PPM1E: variants seen among roughly 807,000 people sequenced by gnomAD.
PPM1E encodes the protein protein phosphatase, Mg2+/Mn2+ dependent 1E.
In PPM1E, 20 loss-of-function variants were observed where a neutral mutation model predicts 65.9. The observed-to-expected ratio is 0.30, with a 90% CI of 0.21 to 0.44. PPM1E has a LOEUF of 0.44. Ranked by LOEUF, PPM1E falls within the 20% of genes least tolerant of loss-of-function variation. The pLI is 1.00. For synonymous variants in PPM1E, 352 were observed against 374.9 expected (o/e 0.94, Z 0.70); for missense variants, 713 against 953.1 (o/e 0.75, Z 3.32).
At chr17:58,851,967 G>A (rs1485820679) in intron 1 of PPM1E, among the ~76,000 whole-genome samples, 2 of 152,166 alleles carry the variant, frequency 1.3e-5, no homozygotes, top group Non-Finnish European at 2.9e-5. Flanking sequence ...ACCTACTCAA[G>A]CCTCAGCAAT....
chr17:58,966,240 T>C (rs1178363517), intron 3 of PPM1E: 1 of 372,814 alleles, frequency 2.7e-6, no homozygotes, highest in Non-Finnish European at 5.1e-6. Flanking sequence ...TTAGGCTGGG[T>C]GTGGTAGCTC....
intron 1 of PPM1E, among the ~76,000 whole-genome samples, chr17:58,805,118 G>GT (rs879504422): frequency 1.3e-4 from 20 of 151,518 alleles, no homozygotes; most frequent in Admixed American, 3.9e-4. Flanking sequence ...TTTTTATATA[G>GT]TTTTTTTTAT....
intron 1 of PPM1E, among the ~76,000 whole-genome samples, chr17:58,873,777 T>C (rs1332540777): frequency 6.7e-6 from 1 of 150,216 alleles, no homozygotes; most frequent in African/African-American, 2.4e-5. Flanking sequence ...TTTTTTTTTT[T>C]TGTAGAGATG....
intron 1 of PPM1E, among the ~76,000 whole-genome samples, chr17:58,834,620 G>C (rs928590533): frequency 3.9e-5 from 6 of 152,170 alleles, no homozygotes; most frequent in African/African-American, 1.4e-4. Flanking sequence ...CAGGAGACCA[G>C]TTGTCCCATC....
At chr17:58,894,351 T>C (rs1372381687) in intron 1 of PPM1E, among the ~76,000 whole-genome samples, 2 of 152,166 alleles carry the variant, frequency 1.3e-5, no homozygotes, top group Non-Finnish European at 2.9e-5. Flanking sequence ...AAATTAGTGA[T>C]TATTACCATT....
chr17:58,862,954 TAAAAGCTAA>T, intron 1 of PPM1E, among the ~76,000 whole-genome samples: 1 of 152,228 alleles, frequency 6.6e-6, no homozygotes, highest in East Asian at 1.9e-4. Flanking sequence ...AATGCTTTCT[TAAAAGCTAA>T]AAAGGGGTTG....
intron 1 of PPM1E, among the ~76,000 whole-genome samples, chr17:58,853,257 A>G (rs1008214320): frequency 6.6e-6 from 1 of 152,138 alleles, no homozygotes; most frequent in Non-Finnish European, 1.5e-5. Flanking sequence ...TATTTAGGTC[A>G]TGGAGCCATT....
In PPM1E at chr17:58,972,118, TA is replaced by T; in HGVS notation, c.973-11del. 6.2e-7 allele frequency: 1 copy of T among 1,605,976 alleles called. No individual in the cohort carries two copies. The highest frequency in any genetic ancestry group is 8.5e-7 in the Non-Finnish European group (1 of 1,175,008). ...TCTTTTCACTGAGTCTAGTTTTATTTAAACTGTTTTCAGAGCTTAAGATGTG... is the reference window on the plus strand; with the variant it reads ...TCTTTTCACTGAGTCTAGTTTTATTTAACTGTTTTCAGAGCTTAAGATGTG... On this transcript the variant is annotated splice_polypyrimidine_tract_variant and intron_variant, in intron 4 of 6. Transcript: ENST00000308249.
chr17:58,919,942 C>T (rs2051731741), intron 1 of PPM1E, among the ~76,000 whole-genome samples: 5 of 152,040 alleles, frequency 3.3e-5, no homozygotes, highest in Admixed American at 3.3e-4. Flanking sequence ...ACTATGGGGT[C>T]AGGGGAGGGC....
At chr17:58,859,261 T>A (rs916702998) in intron 1 of PPM1E, among the ~76,000 whole-genome samples, 1 of 152,318 alleles carries the variant, frequency 6.6e-6, no homozygotes, top group East Asian at 1.9e-4. Context: ...TTCTCTCTGG[T>A]GCCACAAGAC....
chr17:58,934,017 A>G (rs2051941261), intron 1 of PPM1E, among the ~76,000 whole-genome samples: 1 of 150,498 alleles, frequency 6.6e-6, no homozygotes, highest in South Asian at 2.1e-4. Flanking sequence ...ATCAAGTGCA[A>G]CCAGAGGTTG....
At chr17:58,833,315 G>T (rs2050622977) in intron 1 of PPM1E, among the ~76,000 whole-genome samples, 1 of 149,122 alleles carries the variant, frequency 6.7e-6, no homozygotes, top group South Asian at 2.2e-4. Flanking sequence ...CTTTGAGACT[G>T]TTATGTAAGT....
At chr17:58,955,897 G>A in intron 2 of PPM1E, 130 bp downstream of exon 2, 3 of 1,102,744 alleles carry the variant, frequency 2.7e-6, no homozygotes, top group Non-Finnish European at 3.6e-6. Context: ...GTGGTAGCAG[G>A]GGAGAAAAAA....
chr17:58,806,698 CTTTTTT>C (rs57960498), intron 1 of PPM1E, among the ~76,000 whole-genome samples: 33 of 135,050 alleles, frequency 2.4e-4, no homozygotes, highest in South Asian at 7.0e-4. Flanking sequence ...GTTTTGTTTT[CTTTTTT>C]TTTTTTTTTT....
chr17:58,934,066 C>A (rs938996122), intron 1 of PPM1E, among the ~76,000 whole-genome samples: 1 of 119,146 alleles, frequency 8.4e-6, no homozygotes. Flanking sequence ...CCAGCCTGGG[C>A]AACAGAGCAA....
chr17:58,822,326 TTTTA>T (rs143533991), intron 1 of PPM1E, among the ~76,000 whole-genome samples: 96,216 of 141,692 alleles, frequency 0.68, 32,913 homozygotes, highest in East Asian at 0.77. Context: ...CTGAATTTAT[TTTTA>T]TTTATTTATT....
At chr17:58,928,339 G>T (rs2143558740) in intron 1 of PPM1E, among the ~76,000 whole-genome samples, 1 of 152,052 alleles carries the variant, frequency 6.6e-6, no homozygotes, top group East Asian at 1.9e-4. Flanking sequence ...CTATTGTCAG[G>T]ACTACTTGAT....
chr17:58,846,871 G>C (rs1445790077), intron 1 of PPM1E, among the ~76,000 whole-genome samples: 2 of 152,150 alleles, frequency 1.3e-5, no homozygotes, highest in Non-Finnish European at 2.9e-5. Flanking sequence ...GGTTGAACTA[G>C]TTTACCTCCC....
chr17:58,932,399 G>T (rs759054925), intron 1 of PPM1E, among the ~76,000 whole-genome samples: 1 of 152,140 alleles, frequency 6.6e-6, no homozygotes, highest in South Asian at 2.1e-4. Flanking sequence ...AACTCGGGAG[G>T]TGGAGGTTGC....
Sources: allele counts gnomAD v4.1 joint callset (sites outside exome capture counted in the v4.1 genomes callset), GRCh38; gene constraint gnomAD v4.1.1; transcripts MANE v1.5; gene names NCBI Gene and HGNC (gene_info 2026-07-23, HGNC 2026-07-21).